RAB11FIP3: variants seen among roughly 807,000 people sequenced by gnomAD.
RAB11FIP3 encodes RAB11 family interacting protein 3.
Under a neutral mutation model 77.8 loss-of-function variants are expected in RAB11FIP3, and 17 were observed. The observed-to-expected ratio is 0.22, with a 90% CI of 0.15 to 0.33. The LOEUF (loss-of-function observed/expected upper bound fraction) is 0.33. Ranked by LOEUF, RAB11FIP3 falls within the 10% of genes least tolerant of loss-of-function variation. The probability of loss-of-function intolerance (pLI) is 1.00; values close to 1 mark genes in which losing one functional copy is unlikely to be tolerated. For missense variants in RAB11FIP3, 1,005 were observed against 1,011.2 expected (o/e 0.99, Z 0.08); for synonymous variants, 437 against 448.2 (o/e 0.98, Z 0.31).
rs765367344 is a variant in RAB11FIP3 at position 471,359 on chromosome 16, G to A, written c.873G>A (p.Pro291=). Residue 291 remains proline (P), a synonymous_variant, in exon 3 of 14, where the codon CCG becomes CCA. Transcript: ENST00000262305. This position sits in a 1 kb window ranked among gnomAD's most constrained non-coding sequence, Gnocchi z 4.4. ...AAGATGAGGAGCCCCTGGCCTGCCC[G>A]GACGAGTTCGATGACTTCGTCACCT... ...SAQDEEPLAC[P]DEFDDFVTYE... 2.1e-5 allele frequency: 34 copies of A among 1,613,464 alleles called. No homozygotes were observed. In the East Asian group the frequency reaches 2.5e-4, roughly 12 times the overall value.
Position 461,289 on chromosome 16 carries a change from TGTGCTTCC to T in RAB11FIP3, c.715-114_715-107del. On this transcript the variant is annotated intron_variant, in intron 1 of 13. Coordinates refer to ENST00000262305, the MANE Select transcript of RAB11FIP3 (RefSeq NM_014700.4). This position sits in a 1 kb window ranked among gnomAD's most constrained non-coding sequence, Gnocchi z 4.5. ...GCGGTAATGCTCCCTCACCTCCTGC[TGTGCTTCC>T]CCGTTCCCAGCAGGCCACACACCAG... 1.4e-6 allele frequency: 1 copy of T among 699,614 alleles called. No individual in the cohort carries two copies. Among genetic ancestry groups the T allele is most frequent in the Non-Finnish European group, 2.4e-6 (1 of 418,214 alleles). 43.3% of individuals were successfully genotyped at this position (699,614 alleles called of 1,614,324 possible). A position where few individuals can be genotyped will look rare whatever the true frequency, so the allele number is the denominator to read the frequency against.
chr16:494,078 A>C, intron 5 of RAB11FIP3, among the ~76,000 whole-genome samples: 1 of 29,756 alleles, frequency 3.4e-5, no homozygotes, highest in Non-Finnish European at 6.6e-5. Context: ...TAACTTTTGT[A>C]TTTTTAGTAG....
rs2141920640 is a variant in RAB11FIP3 at position 522,202 on chromosome 16, C to A, written c.*1363C>A. ...TATTTTTTATAGATTGAAGGTTGAT[C>A]AATTTTTTAATACTTTCAAGAGAAA... On this transcript the variant is annotated 3_prime_UTR_variant, in exon 14 of 14. Transcript: ENST00000262305. The A allele has an allele frequency of 6.7e-6, 1 of 148,238 alleles. No homozygotes were observed. Among genetic ancestry groups the A allele is most frequent in the South Asian group, 2.1e-4 (1 of 4,700 alleles). 9.2% of individuals were successfully genotyped at this position (148,238 alleles called of 1,614,324 possible).
At position 506,118 on chromosome 16, in the gene RAB11FIP3, G is replaced by A. The variant is rs913612630; in HGVS notation, c.1499+491G>A. Among the ~76,000 whole-genome samples, 1 of 152,250 alleles carries A rather than the reference G, an allele frequency of 6.6e-6. No individual in the cohort carries two copies. The highest frequency in any genetic ancestry group is 6.5e-5 in the Admixed American group (1 of 15,290). ...CGCAGTCTCATCGCTGTGGGCAGGA[G>A]TGCTGGGGAGGAAGCGAAGTGTGAC... On this transcript the variant is annotated intron_variant, in intron 8 of 13. Coordinates refer to ENST00000262305, the MANE Select transcript of RAB11FIP3 (RefSeq NM_014700.4). The surrounding 1 kb of genome is among the most constrained non-coding windows in gnomAD (Gnocchi z 4.5).
At chr16:483,484 G>A (rs1037092000) in intron 4 of RAB11FIP3, among the ~76,000 whole-genome samples, 1 of 152,170 alleles carries the variant, frequency 6.6e-6, no homozygotes, top group Non-Finnish European at 1.5e-5. Flanking sequence ...ACTTTTTATA[G>A]CAGCGACAGC....
chr16:497,310 G>A, intron 6 of RAB11FIP3: 1 of 1,304,166 alleles, frequency 7.7e-7, no homozygotes, highest in Non-Finnish European at 1.0e-6. Context: ...AGATCTGTTG[G>A]CTTCCTGCTG....
At chr16:516,032 C>G (rs527322432) in intron 9 of RAB11FIP3, among the ~76,000 whole-genome samples, 1 of 152,178 alleles carries the variant, frequency 6.6e-6, no homozygotes, top group Non-Finnish European at 1.5e-5. Context: ...GTCCTGGGAG[C>G]GTGCCTGTCC....
chr16:513,972 T>A (rs547606449), intron 9 of RAB11FIP3, among the ~76,000 whole-genome samples: 1 of 152,216 alleles, frequency 6.6e-6, no homozygotes, highest in South Asian at 2.1e-4. Flanking sequence ...CATGGGACCT[T>A]TCCGCTGGGG....
At chr16:468,685 A>C (rs1034030592) in intron 2 of RAB11FIP3, among the ~76,000 whole-genome samples, 9 of 152,166 alleles carry the variant, frequency 5.9e-5, no homozygotes, top group Admixed American at 3.3e-4. Flanking sequence ...TTTCAGGAAT[A>C]GAATGAGATA....
intron 1 of RAB11FIP3, chr16:451,362 C>T (rs3852766): frequency 0.4 from 60,491 of 151,428 alleles, 13,573 homozygotes; most frequent in Middle Eastern, 0.55. Flanking sequence ...ACCCTCCCCA[C>T]GCTTCCCGTA....
rs780416215 is a variant in RAB11FIP3 at position 461,494 on chromosome 16, G to A, written c.805G>A (p.Gly269Arg). 4 of 1,612,862 alleles carry A rather than the reference G, an allele frequency of 2.5e-6. No homozygotes were observed. The highest frequency in any genetic ancestry group is 2.2e-5 in the East Asian group (1 of 44,818). The change falls in exon 2 of 14, where the codon GGA becomes AGA. Residue 269 changes from glycine to arginine, a missense_variant. Transcript: ENST00000262305. This position sits in a 1 kb window ranked among gnomAD's most constrained non-coding sequence, Gnocchi z 4.5. The stretch of plus-strand genomic sequence containing the variant: ...CCAAGGGATCACAGCCATCAGAAAC[G>A]GAGGTCAGTCATCCCCGCCATGAGC... Reference protein sequence around the residue: ...FYQGITAIRNGDPDGQCYGGV... With the variant: ...FYQGITAIRNRDPDGQCYGGV...
chr16:467,636 C>G (rs111432732), intron 2 of RAB11FIP3, among the ~76,000 whole-genome samples: 340 of 16,906 alleles, frequency 0.02, 8 homozygotes, highest in African/African-American at 0.058. Flanking sequence ...GTGCTGGGGC[C>G]TCAGGGAGGA....
In RAB11FIP3 at chr16:471,515, C is replaced by T. The variant is rs192088671; in HGVS notation, c.903+126C>T. On this transcript the variant is annotated intron_variant, in intron 3 of 13. Transcript: ENST00000262305. This position sits in a 1 kb window ranked among gnomAD's most constrained non-coding sequence, Gnocchi z 4.4. The stretch of plus-strand genomic sequence containing the variant: ...AAGCTGGCGTGAAGGAAGGGCCTCC[C>T]GCCCTGTGTGCACCGTGGGGCTCTG... The T allele has an allele frequency of 1.4e-4, 112 of 799,834 alleles. 1 individual carries two copies. The highest frequency in any genetic ancestry group is 4.2e-4 in the African/African-American group (25 of 58,968). 49.5% of individuals were successfully genotyped at this position (799,834 alleles called of 1,614,324 possible). A position where few individuals can be genotyped will look rare whatever the true frequency, so the allele number is the denominator to read the frequency against.
chr16:515,537 T>C (rs992605656), intron 9 of RAB11FIP3, among the ~76,000 whole-genome samples: 4 of 138,908 alleles, frequency 2.9e-5, no homozygotes, highest in Non-Finnish European at 6.2e-5. Context: ...CACGCACCGG[T>C]GTTTGCATCT....
At position 471,413 on chromosome 16, in the gene RAB11FIP3, T is replaced by C. The variant is rs974736682; in HGVS notation, c.903+24T>C. On this transcript the variant is annotated intron_variant, in intron 3 of 13. Transcript: ENST00000262305. The surrounding 1 kb of genome is among the most constrained non-coding windows in gnomAD (Gnocchi z 4.4). ...AGGCAAGTGGTTTTCACCCAGGAGC[T>C]TGGGGGAAGTCTGGCATCCACCTCT... The C allele has an allele frequency of 3.2e-6, 5 of 1,556,124 alleles. No homozygotes were observed. In the African/African-American group the frequency reaches 5.4e-5, roughly 17 times the overall value.
chr16:502,862 G>C lies in RAB11FIP3; in HGVS notation c.1302-142G>C. 4.3e-6 allele frequency: 3 copies of C among 700,104 alleles called. No individual in the cohort carries two copies. The South Asian group carries it at 4.8e-5, about 11-fold the overall frequency. 43.4% of individuals were successfully genotyped at this position (700,104 alleles called of 1,614,324 possible). A position where few individuals can be genotyped will look rare whatever the true frequency, so the allele number is the denominator to read the frequency against. ...GTATATAGTGCTTTAAGTGGGAGAA[G>C]ACCACCACCCAGATCAGGGGAGGAC... On this transcript the variant is annotated intron_variant, in intron 6 of 13. Transcript: ENST00000262305.
chr16:438,254 C>T (rs918730642), intron 1 of RAB11FIP3, among the ~76,000 whole-genome samples: 10 of 151,554 alleles, frequency 6.6e-5, no homozygotes, highest in African/African-American at 2.2e-4. Flanking sequence ...ATTACAGGCA[C>T]GTACCACCAT....
chr16:460,454 C>CT (rs1272772624), intron 1 of RAB11FIP3, among the ~76,000 whole-genome samples: 2 of 151,988 alleles, frequency 1.3e-5, no homozygotes, highest in East Asian at 1.9e-4. Flanking sequence ...CTGTAATACT[C>CT]TCCCCCCTCC....
intron 1 of RAB11FIP3, chr16:452,311 G>A (rs1040656501): frequency 2.0e-5 from 3 of 151,986 alleles, no homozygotes; most frequent in Non-Finnish European, 2.9e-5. Flanking sequence ...CTCCAGCCTG[G>A]GTGATAGAGT....
Sources: allele counts gnomAD v4.1 joint callset (sites outside exome capture counted in the v4.1 genomes callset), GRCh38; gene constraint gnomAD v4.1.1; non-coding constraint Gnocchi (gnomAD v3.1); transcripts MANE v1.5; gene names NCBI Gene and HGNC (gene_info 2026-07-23, HGNC 2026-07-21).